Variants in COL21A1 observed in about 807,000 individuals in gnomAD.
COL21A1 encodes collagen alpha-1(XXI) chain.
In COL21A1, 149 loss-of-function variants were observed where a neutral mutation model predicts 137.9. The ratio of observed to expected loss-of-function variants is 1.08; its 90% CI spans 0.95 to 1.24. The LOEUF (loss-of-function observed/expected upper bound fraction) is 1.24. Among genes scored for constraint, COL21A1 ranks in the 50% most tolerant of loss-of-function variants. COL21A1 has a pLI of 0.00. For synonymous variants in COL21A1, 456 were observed against 391.5 expected, an observed-to-expected ratio of 1.16 and a Z score of -1.95; for missense variants, 1,167 against 1,158.4, an observed-to-expected ratio of 1.01 and a Z score of -0.11.
intron 1 of COL21A1, among the ~76,000 whole-genome samples, chr6:56,338,576 C>CA (rs1184511999): frequency 6.6e-6 from 1 of 152,188 alleles, no homozygotes; most frequent in Non-Finnish European, 1.5e-5. Context: ...AAAACTCATT[C>CA]ACCTTTGCCA....
chr6:56,283,627 G>T (rs930921631), intron 1 of COL21A1, among the ~76,000 whole-genome samples: 26 of 152,134 alleles, frequency 1.7e-4, no homozygotes, highest in African/African-American at 6.0e-4. Flanking sequence ...TCAGTGACGG[G>T]CTGGTGATAA....
intron 19 of COL21A1, 63 bp from the exon 20 acceptor site, chr6:56,074,348 A>G: frequency 9.2e-7 from 1 of 1,090,338 alleles, no homozygotes; most frequent in Non-Finnish European, 1.3e-6. Context: ...ATATTAAATC[A>G]ATTTCCAAGT....
In COL21A1 at chr6:56,156,889, G is replaced by A; in HGVS notation, c.1432C>T (p.Pro478Ser). The change falls in exon 10 of 30, where the codon CCT becomes TCT. Residue 478 changes from proline to serine, a missense_variant and splice_region_variant. By Grantham distance (74) the Pro-to-Ser change is moderately conservative. Transcript: ENST00000244728. ...ATGACTAAGCTTTCAGTACTCACAG[G>A]CTTACCATCTTGACCAGGTTGTCCA... ...YPGQPGQDGK[P>S]GYQGIAGTPG... 6.2e-7 allele frequency: 1 copy of A among 1,610,898 alleles called. No individual in the cohort carries two copies. Among genetic ancestry groups the A allele is most frequent in the Non-Finnish European group, 8.5e-7 (1 of 1,178,316 alleles).
At chr6:56,239,897 A>C (rs1259918792) in intron 1 of COL21A1, among the ~76,000 whole-genome samples, 4 of 152,146 alleles carry the variant, frequency 2.6e-5, no homozygotes, top group Non-Finnish European at 5.9e-5. Context: ...GTCCCACCCA[A>C]ATCTCATCTT....
chr6:56,106,226 C>T (rs1770873739), intron 16 of COL21A1, among the ~76,000 whole-genome samples: 1 of 152,168 alleles, frequency 6.6e-6, no homozygotes, highest in South Asian at 2.1e-4. Flanking sequence ...AGGATACAAA[C>T]ATTCTGCCAC....
intron 12 of COL21A1, among the ~76,000 whole-genome samples, chr6:56,127,320 A>T (rs1773125901): frequency 1.3e-5 from 2 of 152,216 alleles, no homozygotes; most frequent in Non-Finnish European, 2.9e-5. Context: ...TCCTGGAGTC[A>T]AATATGGCCA....
At chr6:56,174,745 A>C (rs575632457) in intron 3 of COL21A1, among the ~76,000 whole-genome samples, 1 of 152,196 alleles carries the variant, frequency 6.6e-6, no homozygotes, top group Admixed American at 6.5e-5. Context: ...AGAAGAATTA[A>C]TATCTTTCTT....
chr6:56,235,709 T>C (rs1753101824), intron 1 of COL21A1, among the ~76,000 whole-genome samples: 1 of 151,940 alleles, frequency 6.6e-6, no homozygotes, highest in African/African-American at 2.4e-5. Context: ...TCTATGCTTT[T>C]CCCTGTCTAA....
At chr6:56,213,711 A>G (rs1164882189) in intron 1 of COL21A1, among the ~76,000 whole-genome samples, 1 of 152,062 alleles carries the variant, frequency 6.6e-6, no homozygotes, top group Non-Finnish European at 1.5e-5. Context: ...TCGTGTGTGT[A>G]CTACAGAGCC....
chr6:56,281,793 C>CT (rs1407062806), intron 1 of COL21A1, among the ~76,000 whole-genome samples: 2 of 152,108 alleles, frequency 1.3e-5, no homozygotes, highest in African/African-American at 2.4e-5. Context: ...AGGTAGAAGA[C>CT]TGAGTACAGG....
intron 1 of COL21A1, among the ~76,000 whole-genome samples, chr6:56,372,086 T>C (rs1408838873): frequency 6.6e-6 from 1 of 152,136 alleles, no homozygotes; most frequent in Admixed American, 6.5e-5. Context: ...TTGAGGTGTG[T>C]CCTACACCAG....
intron 1 of COL21A1, among the ~76,000 whole-genome samples, chr6:56,246,182 G>A (rs1249996409): frequency 6.6e-6 from 1 of 152,076 alleles, no homozygotes; most frequent in Non-Finnish European, 1.5e-5. Context: ...GAATTGGCAT[G>A]AATCCCTTAA....
chr6:56,259,091 T>C (rs1763187555), intron 1 of COL21A1, among the ~76,000 whole-genome samples: 1 of 152,152 alleles, frequency 6.6e-6, no homozygotes, highest in East Asian at 1.9e-4. Context: ...AGAAGCAGTG[T>C]TCTCAAGGAA....
intron 1 of COL21A1, among the ~76,000 whole-genome samples, chr6:56,383,567 T>C (rs983054623): frequency 6.6e-6 from 1 of 152,130 alleles, no homozygotes; most frequent in African/African-American, 2.4e-5. Flanking sequence ...CCTGAAACTT[T>C]CCCGGGTTAT....
intron 1 of COL21A1, among the ~76,000 whole-genome samples, chr6:56,202,794 A>C (rs1779499964): frequency 6.6e-6 from 1 of 152,208 alleles, no homozygotes; most frequent in Non-Finnish European, 1.5e-5. Flanking sequence ...TTGCATGAAT[A>C]GTTTAAAAAT....
At chr6:56,106,932 G>A (rs543370755) in intron 16 of COL21A1, among the ~76,000 whole-genome samples, 7 of 152,018 alleles carry the variant, frequency 4.6e-5, no homozygotes, top group East Asian at 1.9e-4. Context: ...GACTACAGGC[G>A]CCCGCCACCA....
intron 1 of COL21A1, among the ~76,000 whole-genome samples, chr6:56,380,134 C>G (rs1016096385): frequency 6.6e-6 from 1 of 152,124 alleles, no homozygotes; most frequent in Non-Finnish European, 1.5e-5. Context: ...CTAGTTTACA[C>G]GAGAGCTGGT....
intron 1 of COL21A1, among the ~76,000 whole-genome samples, chr6:56,392,317 A>G (rs1313773021): frequency 6.6e-6 from 1 of 152,154 alleles, no homozygotes; most frequent in Non-Finnish European, 1.5e-5. Context: ...AAAAACCCTC[A>G]GAAATGGGTA....
At chr6:56,155,334 G>T (rs1775660621) in intron 10 of COL21A1, among the ~76,000 whole-genome samples, 1 of 151,872 alleles carries the variant, frequency 6.6e-6, no homozygotes. Flanking sequence ...GCTAGTTGTG[G>T]TTTTTTTTGT....
Sources: allele counts gnomAD v4.1 joint callset (sites outside exome capture counted in the v4.1 genomes callset), GRCh38; gene constraint gnomAD v4.1.1; transcripts MANE v1.5; gene names NCBI Gene and HGNC (gene_info 2026-07-23, HGNC 2026-07-21).